The following MYT1L variants were observed in gnomAD, a reference collection of about 807,000 sequenced individuals.
The protein encoded by MYT1L is myelin transcription factor 1 like.
A neutral mutation model predicts 126.7 loss-of-function variants in MYT1L; 12 were observed. The observed-to-expected ratio is 0.09, with a 90% CI of 0.06 to 0.15. The LOEUF (loss-of-function observed/expected upper bound fraction) is 0.15. Among genes scored for constraint, MYT1L ranks in the 10% least tolerant of loss-of-function variants. The pLI is 1.00. For synonymous variants in MYT1L, 541 were observed against 604.2 expected (o/e 0.90, Z 1.53); for missense variants, 979 against 1,585.2 (o/e 0.62, Z 6.49).
intron 2 of MYT1L, among the ~76,000 whole-genome samples, chr2:2,268,649 G>A (rs1186067994): frequency 6.6e-6 from 1 of 152,114 alleles, no homozygotes; most frequent in South Asian, 2.1e-4. Context: ...CAGGAAATCT[G>A]CAAGAGGAGC....
intron 8 of MYT1L, among the ~76,000 whole-genome samples, chr2:1,972,517 C>CAG (rs1431691093): frequency 1.3e-5 from 2 of 152,176 alleles, no homozygotes; most frequent in African/African-American, 4.8e-5. Flanking sequence ...ATGCTCCTCT[C>CAG]AGTTGCAAGT....
At chr2:1,965,598 C>T (rs191160085) in intron 8 of MYT1L, among the ~76,000 whole-genome samples, 2 of 152,372 alleles carry the variant, frequency 1.3e-5, no homozygotes, top group Non-Finnish European at 2.9e-5. Context: ...ATCGCCCCTG[C>T]CCTGGCATGT....
chr2:1,819,251 T>C (rs1462114796), intron 21 of MYT1L, among the ~76,000 whole-genome samples: 1 of 152,194 alleles, frequency 6.6e-6, no homozygotes, highest in Non-Finnish European at 1.5e-5. Context: ...CCATAGGTCA[T>C]CAAACGTCCT....
intron 21 of MYT1L, among the ~76,000 whole-genome samples, chr2:1,810,657 T>C (rs1255419692): frequency 6.6e-6 from 1 of 151,484 alleles, no homozygotes; most frequent in African/African-American, 2.4e-5. Flanking sequence ...GCTTTCTAAA[T>C]ATTATTTTTG....
chr2:2,004,023 C>CTTCTTTCCTGCATGAG (rs2062746199), intron 4 of MYT1L, among the ~76,000 whole-genome samples: 1 of 135,362 alleles, frequency 7.4e-6, no homozygotes, highest in Non-Finnish European at 1.6e-5. Context: ...TCCTGCATGC[C>CTTCTTTCCTGCATGAG]TTCTTTCCTG....
chr2:2,255,573 C>G (rs1317903591), intron 2 of MYT1L, among the ~76,000 whole-genome samples: 1 of 152,170 alleles, frequency 6.6e-6, no homozygotes, highest in East Asian at 1.9e-4. Context: ...TTATTTGCAA[C>G]TGGATTTTCA....
intron 4 of MYT1L, among the ~76,000 whole-genome samples, chr2:2,049,970 T>C (rs1472244235): frequency 6.6e-6 from 1 of 151,986 alleles, no homozygotes; most frequent in Non-Finnish European, 1.5e-5. Flanking sequence ...TATATATATA[T>C]ATATAAATAT....
At chr2:2,279,446 A>C (rs2095414714) in intron 2 of MYT1L, among the ~76,000 whole-genome samples, 1 of 143,796 alleles carries the variant, frequency 7.0e-6, no homozygotes, top group Admixed American at 6.9e-5. Flanking sequence ...AGGGAAGGGA[A>C]GGGGAGGGGA....
At chr2:1,851,785 C>T in intron 18 of MYT1L, 82 bp from the exon 19 acceptor site, 1 of 1,322,112 alleles carries the variant, frequency 7.6e-7, no homozygotes, top group Non-Finnish European at 1.1e-6. Flanking sequence ...ATCCAAAAAG[C>T]AAACTAACTC....
chr2:2,121,059 G>A (rs1028430657), intron 3 of MYT1L, among the ~76,000 whole-genome samples: 2 of 152,168 alleles, frequency 1.3e-5, no homozygotes, highest in South Asian at 4.2e-4. Flanking sequence ...TCAAGGAGGT[G>A]CCCCCCAGCC....
intron 21 of MYT1L, among the ~76,000 whole-genome samples, chr2:1,810,376 G>C (rs1310698730): frequency 6.6e-6 from 1 of 152,068 alleles, no homozygotes; most frequent in Non-Finnish European, 1.5e-5. Context: ...CTGACCTCAG[G>C]TGATCTGCCC....
intron 8 of MYT1L, among the ~76,000 whole-genome samples, chr2:1,958,103 C>T (rs989858525): frequency 1.3e-5 from 2 of 150,634 alleles, no homozygotes; most frequent in South Asian, 2.1e-4. Context: ...GCACTTGTCG[C>T]TAAGGTCTGA....
At chr2:2,311,784 G>A (rs1411300152) in intron 1 of MYT1L, among the ~76,000 whole-genome samples, 1 of 152,162 alleles carries the variant, frequency 6.6e-6, no homozygotes, top group African/African-American at 2.4e-5. Context: ...CCAAAACCTT[G>A]TATATTTGGC....
intron 1 of MYT1L, among the ~76,000 whole-genome samples, chr2:2,312,093 G>T (rs557617047): frequency 1.3e-5 from 2 of 152,262 alleles, no homozygotes; most frequent in South Asian, 2.1e-4. Context: ...TCTAGCTACT[G>T]GGGTTTGGAA....
chr2:1,911,373 G>C (rs1175924345), intron 12 of MYT1L, among the ~76,000 whole-genome samples: 1 of 151,894 alleles, frequency 6.6e-6, no homozygotes, highest in Non-Finnish European at 1.5e-5. Context: ...TCACTTTTTG[G>C]CCTCTGGGAA....
intron 4 of MYT1L, among the ~76,000 whole-genome samples, chr2:2,051,948 T>A (rs1222113086): frequency 6.6e-6 from 1 of 152,178 alleles, no homozygotes; most frequent in East Asian, 1.9e-4. Context: ...AAAATAAATA[T>A]ATTGCAAGAT....
At chr2:2,235,573 C>T (rs2094275834) in intron 2 of MYT1L, among the ~76,000 whole-genome samples, 2 of 152,192 alleles carry the variant, frequency 1.3e-5, no homozygotes, top group African/African-American at 4.8e-5. Flanking sequence ...ACCTGTGTTT[C>T]CCACAGAGGT....
intron 3 of MYT1L, among the ~76,000 whole-genome samples, chr2:2,122,872 T>TGTGTGTGTGTGTGTGTGTGTGAGAGA (rs553951630): frequency 7.5e-6 from 1 of 132,992 alleles, no homozygotes; most frequent in African/African-American, 3.0e-5. Flanking sequence ...TGTGTGTGTG[T>TGTGTGTGTGTGTGTGTGTGTGAGAGA]GAGAGAGAGA....
intron 4 of MYT1L, among the ~76,000 whole-genome samples, chr2:2,053,416 A>T (rs2150098897): frequency 6.6e-6 from 1 of 152,344 alleles, no homozygotes; most frequent in East Asian, 1.9e-4. Flanking sequence ...ATTTCATGTT[A>T]TATGTATTTT....
Sources: gnomAD v4.1 joint callset for allele counts (sites outside exome capture counted in the v4.1 genomes callset) on GRCh38, gnomAD v4.1.1 for gene constraint, MANE v1.5 for transcripts, NCBI Gene and HGNC (gene_info 2026-07-23, HGNC 2026-07-21) for gene names.